The following TTLL9 variants were observed in gnomAD, a reference collection of about 807,000 sequenced individuals.
TTLL9 encodes tubulin tyrosine ligase like 9, also known as probable tubulin polyglutamylase TTLL9.
In TTLL9, 47 loss-of-function variants were observed where a neutral mutation model predicts 65.6. The ratio of observed to expected loss-of-function variants is 0.72; its 90% CI spans 0.57 to 0.91. TTLL9 has a LOEUF of 0.91. Among genes scored for constraint, TTLL9 ranks in the 40% least tolerant of loss-of-function variants. TTLL9 has a pLI of 0.00. For missense variants in TTLL9, 537 were observed against 568.8 expected (o/e 0.94, Z 0.57); for synonymous variants, 179 against 204.8 (o/e 0.87, Z 1.07).
Position 31,908,286 on chromosome 20 carries a change from G to A in TTLL9, c.207-305G>A, listed in dbSNP as rs112085667. Among the ~76,000 whole-genome samples the A allele has an allele frequency of 2.0e-4, 30 of 152,300 alleles. 2 individuals are homozygous for A. Among genetic ancestry groups the A allele is most frequent in the African/African-American group, 6.3e-4 (26 of 41,560 alleles). ...ATGGGGACTGTGGTTTGAGGAGGGC[G>A]TGCCCTGTCTGAAGGGGTGGCTGCT... On this transcript the variant is annotated intron_variant, in intron 4 of 14. Transcript: ENST00000535842.
At chr20:31,919,667 C>A (rs190100908) in intron 6 of TTLL9, among the ~76,000 whole-genome samples, 197 bp from the exon 7 acceptor site, 24 of 152,162 alleles carry the variant, frequency 1.6e-4, no homozygotes, top group African/African-American at 5.6e-4. Context: ...TCTCCCCCTT[C>A]CCCTCCCTTC....
intron 2 of TTLL9, among the ~76,000 whole-genome samples, chr20:31,875,920 G>A (rs567483045): frequency 1.8e-4 from 27 of 152,244 alleles, no homozygotes; most frequent in African/African-American, 4.6e-4. Flanking sequence ...CTATACTCAC[G>A]AGGATTGGCT....
intron 10 of TTLL9, among the ~76,000 whole-genome samples, chr20:31,927,499 A>AG (rs2063927635): frequency 1.3e-5 from 2 of 151,712 alleles, no homozygotes; most frequent in South Asian, 4.2e-4. Context: ...AAAAAAAAAA[A>AG]AAAAAGAAAC....
At chr20:31,929,741 C>T (rs577697047) in intron 10 of TTLL9, among the ~76,000 whole-genome samples, 1 of 152,300 alleles carries the variant, frequency 6.6e-6, no homozygotes, top group East Asian at 1.9e-4. Context: ...AAACCTTTTA[C>T]AGTATTAAGA....
At position 31,934,885 on chromosome 20, in the gene TTLL9, A is replaced by G; in HGVS notation, c.1001A>G (p.Lys334Arg). ...GACATCCTCATCGACCAGGACCTCA[A>G]GCCGTAAGTGGGTGGGTGGGAGAGC... The part of the protein sequence containing the change: ...GYDILIDQDL[K>R]PWLLEVNASP... The change falls in exon 12 of 15, where the codon AAG becomes AGG. Residue 334 changes from lysine to arginine, a missense_variant. Transcript: ENST00000535842. 2.5e-6 allele frequency: 4 copies of G among 1,609,354 alleles called. No homozygotes were observed. Among genetic ancestry groups the G allele is most frequent in the Non-Finnish European group, 3.4e-6 (4 of 1,176,584 alleles).
At chr20:31,939,313 G>A in intron 14 of TTLL9, 47 bp downstream of exon 14, 1 of 1,606,848 alleles carries the variant, frequency 6.2e-7, no homozygotes, top group Non-Finnish European at 8.5e-7. Context: ...GGGGTCATGG[G>A]AGGTACCAGG....
chr20:31,931,104 G>A (rs1445787297), intron 10 of TTLL9, among the ~76,000 whole-genome samples: 2 of 129,426 alleles, frequency 1.5e-5, no homozygotes, highest in Admixed American at 9.0e-5. Flanking sequence ...TTTCAAGACA[G>A]AGTCTTGCTC....
At chr20:31,887,314 C>G in intron 3 of TTLL9, 75 bp downstream of exon 3, 1 of 1,458,578 alleles carries the variant, frequency 6.9e-7, no homozygotes, top group Non-Finnish European at 9.6e-7. Context: ...CAATCCCTCT[C>G]TCCCTTTTCT....
chr20:31,940,456 TTAAACTA>T (rs2064185413), intron 14 of TTLL9: 1 of 152,222 alleles, frequency 6.6e-6, no homozygotes, highest in African/African-American at 2.4e-5. Flanking sequence ...GGAAATCTTG[TTAAACTA>T]TAGATTGTGA....
intron 2 of TTLL9, among the ~76,000 whole-genome samples, chr20:31,871,519 C>A (rs1465366221): frequency 1.3e-5 from 2 of 152,242 alleles, no homozygotes; most frequent in East Asian, 1.9e-4. Flanking sequence ...CACCCCCACC[C>A]CTCAATCTAT....
intron 10 of TTLL9, among the ~76,000 whole-genome samples, chr20:31,927,584 C>G (rs573955686): frequency 6.6e-6 from 1 of 150,966 alleles, no homozygotes; most frequent in Admixed American, 6.6e-5. Context: ...TCCTTACACA[C>G]ATTTTGTGCA....
chr20:31,911,151 G>C (rs891928162), intron 6 of TTLL9, among the ~76,000 whole-genome samples: 1 of 152,000 alleles, frequency 6.6e-6, no homozygotes, highest in Non-Finnish European at 1.5e-5. Flanking sequence ...CTCCAGCCTG[G>C]GTGAGAGAGT....
Position 31,915,673 on chromosome 20 carries a change from G to A in TTLL9, c.505-4191G>A, listed in dbSNP as rs569713663. Among the ~76,000 whole-genome samples, 16 of 152,018 alleles carry A rather than the reference G, an allele frequency of 1.1e-4. No homozygotes were observed. The South Asian group carries it at 3.3e-3, about 32-fold the overall frequency. The stretch of plus-strand genomic sequence containing the variant: ...GTCACCTGTTGGCTGGGTGACCTTG[G>A]GCAATGTGTTTGGCCTGTCTGTTCG... On this transcript the variant is annotated intron_variant, in intron 6 of 14. Transcript: ENST00000535842.
At chr20:31,884,650 G>A (rs1364916860) in intron 2 of TTLL9, among the ~76,000 whole-genome samples, 1 of 152,176 alleles carries the variant, frequency 6.6e-6, no homozygotes, top group African/African-American at 2.4e-5. Context: ...CTAGTTTCTG[G>A]AGGCTGTCTC....
chr20:31,875,908 C>T (rs2063032418), intron 2 of TTLL9, among the ~76,000 whole-genome samples: 1 of 152,142 alleles, frequency 6.6e-6, no homozygotes, highest in African/African-American at 2.4e-5. Context: ...GGATACTCAC[C>T]ACTATACTCA....
chr20:31,934,672 C>T lies in TTLL9; in HGVS notation c.808-20C>T. 3 of 1,597,906 alleles carry T rather than the reference C, an allele frequency of 1.9e-6. No individual in the cohort carries two copies. The highest frequency in any genetic ancestry group is 2.6e-6 in the Non-Finnish European group (3 of 1,172,676). ...TGACTAACTGAGGCTCCTCTCTCGA[C>T]CCGGCTGCCCGGGGCCCAGGGCTGC... On this transcript the variant is annotated intron_variant, in intron 11 of 14. Coordinates refer to ENST00000535842, the MANE Select transcript of TTLL9 (RefSeq NM_001008409.5).
chr20:31,914,705 T>C (rs1466855052), intron 6 of TTLL9, among the ~76,000 whole-genome samples: 1 of 152,176 alleles, frequency 6.6e-6, no homozygotes, highest in Non-Finnish European at 1.5e-5. Flanking sequence ...AAGTTTCTAT[T>C]GCTGAGCAGC....
chr20:31,919,905 G>C lies in TTLL9; in HGVS notation c.546G>C (p.Arg182Ser), dbSNP rs2063791328. The change falls in exon 7 of 15, where the codon AGG becomes AGC. Residue 182 changes from arginine (R) to serine (S), a missense_variant. Coordinates refer to ENST00000535842, the MANE Select transcript of TTLL9 (RefSeq NM_001008409.5). Reference protein sequence around the residue: ...SQGKGIFLFRRLKDIVDWRKD... With the variant: ...SQGKGIFLFRSLKDIVDWRKD... The stretch of plus-strand genomic sequence containing the variant: ...GGAAAGGCATCTTCCTCTTCCGTAG[G>C]CTGAAGGACATCGTGGACTGGAGGA... 1.9e-6 allele frequency: 3 copies of C among 1,592,364 alleles called. No homozygotes were observed. The highest frequency in any genetic ancestry group is 2.6e-6 in the Non-Finnish European group (3 of 1,169,974).
chr20:31,916,808 C>G (rs921620058), intron 6 of TTLL9, among the ~76,000 whole-genome samples: 1 of 152,210 alleles, frequency 6.6e-6, no homozygotes, highest in Non-Finnish European at 1.5e-5. Context: ...CTCCCCAGCT[C>G]CTTCCCTAAT....
Sources: allele counts gnomAD v4.1 joint callset (sites outside exome capture counted in the v4.1 genomes callset), GRCh38; gene constraint gnomAD v4.1.1; transcripts MANE v1.5; gene names NCBI Gene and HGNC (gene_info 2026-07-23, HGNC 2026-07-21).